Variants in EXD1 observed in about 807,000 individuals in gnomAD.
EXD1 encodes the protein piRNA biogenesis protein EXD1.
EXD1 carries 63 observed loss-of-function variants against 49.1 expected under a neutral mutation model. That is an observed-to-expected ratio of 1.28 (90% CI 1.05 to 1.58). The LOEUF is 1.58. Ranked by LOEUF, EXD1 falls within the 40% of genes most tolerant of loss-of-function variation. EXD1 has a pLI of 0.00. For synonymous variants in EXD1, 234 were observed against 239.2 expected (o/e 0.98, Z 0.20); for missense variants, 748 against 666.0 (o/e 1.12, Z -1.36).
rs372591403 is a variant in EXD1 at position 41,191,545 on chromosome 15, T to C, written c.761A>G (p.Tyr254Cys). Residue 254 changes from tyrosine to cysteine, a missense_variant, in exon 10 of 12, where the codon TAT becomes TGT. Tyr to Cys is a radical substitution (Grantham distance 194). Transcript: ENST00000458580. ...VLQFSMETGG[Y>C]LPNCITTLQE... is the part of the protein sequence containing the mutation. ...CAAAGTAGTGATGCAGTTTGGAAGATAGCCACCCGTTTCCATGGAAAACTG... is the reference window on the plus strand; with the variant it reads ...CAAAGTAGTGATGCAGTTTGGAAGACAGCCACCCGTTTCCATGGAAAACTG... 28 of 1,613,974 alleles carry C rather than the reference T, an allele frequency of 1.7e-5. No individual in the cohort carries two copies. The Middle Eastern group carries it at 4.9e-4, about 28-fold the overall frequency.
At chr15:41,194,247 G>A (rs183103583) in intron 9 of EXD1, among the ~76,000 whole-genome samples, 48 of 152,142 alleles carry the variant, frequency 3.2e-4, no homozygotes, top group Admixed American at 2.9e-3. Flanking sequence ...TCCTGAACTC[G>A]TGATCTGCCC....
At chr15:41,229,600 C>T (rs917970617) in intron 1 of EXD1, among the ~76,000 whole-genome samples, 1 of 152,138 alleles carries the variant, frequency 6.6e-6, no homozygotes, top group Non-Finnish European at 1.5e-5. Flanking sequence ...GAAGCCCTGT[C>T]TCTACTAAAA....
At position 41,189,760 on chromosome 15, in the gene EXD1, C is replaced by T. The variant is rs1327943741; in HGVS notation, c.1056+177G>A. Among the ~76,000 whole-genome samples the T allele has an allele frequency of 2.6e-5, 4 of 152,134 alleles. No individual in the cohort carries two copies. In the East Asian group the frequency reaches 5.8e-4, roughly 22 times the overall value. ...ACAGAAGTATTTCTTGGATACCTAA[C>T]TTAACATTATGAAAAAGTGAGGGGA... is the stretch of plus-strand genomic sequence containing the variant. On this transcript the variant is annotated intron_variant, in intron 11 of 11. Coordinates refer to ENST00000458580, the MANE Select transcript of EXD1 (RefSeq NM_001286441.2).
intron 5 of EXD1, among the ~76,000 whole-genome samples, 171 bp from the exon 6 acceptor site, chr15:41,216,004 G>A (rs984635150): frequency 6.6e-6 from 1 of 151,552 alleles, no homozygotes; most frequent in African/African-American, 2.4e-5. Flanking sequence ...TTCCTCCTTA[G>A]CATTTGGCAC....
chr15:41,199,739 G>GAGATATA (rs777473507), intron 7 of EXD1, among the ~76,000 whole-genome samples: 1 of 79,378 alleles, frequency 1.3e-5, no homozygotes, highest in African/African-American at 5.2e-5. Flanking sequence ...TGATATATAT[G>GAGATATA]TCATATATTA....
At chr15:41,206,670 G>T in intron 7 of EXD1, among the ~76,000 whole-genome samples, 1 of 121,180 alleles carries the variant, frequency 8.3e-6, no homozygotes. Context: ...TGCCCAGGTT[G>T]GAGTGCAGTG....
chr15:41,209,538 G>T lies in EXD1; in HGVS notation c.497C>A (p.Ala166Glu). ...CAGTTTGCCATGGCGACATACATTC[G>T]CTCCTTCTGCTGCCACACTCAGGAC... The part of the protein sequence containing the change: ...QNVLSVAAEG[A>E]NVCRHGKLCW... The change falls in exon 7 of 12, where the codon GCG becomes GAG. Residue 166 changes from alanine (A) to glutamate (E), a missense_variant. By Grantham distance (107) the Ala-to-Glu change is moderately radical (BLOSUM62 -1). Transcript: ENST00000458580. 1.2e-6 allele frequency: 2 copies of T among 1,614,052 alleles called. No homozygotes were observed. The highest frequency in any genetic ancestry group is 8.5e-7 in the Non-Finnish European group (1 of 1,179,990).
At chr15:41,212,573 C>T (rs1328335096) in intron 6 of EXD1, among the ~76,000 whole-genome samples, 1 of 152,178 alleles carries the variant, frequency 6.6e-6, no homozygotes, top group African/African-American at 2.4e-5. Context: ...ACCATATGAT[C>T]TAGCAATTTC....
chr15:41,193,170 G>A (rs1426029686), intron 9 of EXD1, among the ~76,000 whole-genome samples: 1 of 151,878 alleles, frequency 6.6e-6, no homozygotes, highest in Admixed American at 6.6e-5. Context: ...CTCCTGTCTC[G>A]GCCTCCCAAA....
intron 1 of EXD1, among the ~76,000 whole-genome samples, chr15:41,228,967 G>A (rs754267194): frequency 4.6e-5 from 7 of 152,186 alleles, no homozygotes; most frequent in Non-Finnish European, 7.3e-5. Context: ...TAAGATTCAA[G>A]ATTAGGAAGG....
At chr15:41,195,331 C>T (rs1025967445) in intron 9 of EXD1, among the ~76,000 whole-genome samples, 4 of 152,156 alleles carry the variant, frequency 2.6e-5, no homozygotes, top group African/African-American at 9.7e-5. Context: ...TTTGGGCCCA[C>T]ATAGATTTGG....
At position 41,191,624 on chromosome 15, in the gene EXD1, T is replaced by C. The variant is rs149328050; in HGVS notation, c.721-39A>G. ...AAAAGACAAACAGACCAGTTGAATA[T>C]ATACAGAGAGCTATCTCATGCCAGA... is the stretch of plus-strand genomic sequence containing the variant. On this transcript the variant is annotated intron_variant, in intron 9 of 11. Coordinates refer to ENST00000458580, the MANE Select transcript of EXD1 (RefSeq NM_001286441.2). 1.0e-4 allele frequency: 162 copies of C among 1,587,908 alleles called. 3 individuals carry two copies. The African/African-American group carries it at 1.9e-3, about 18-fold the overall frequency.
intron 6 of EXD1, among the ~76,000 whole-genome samples, chr15:41,212,553 A>T (rs996774861): frequency 1.3e-5 from 2 of 152,214 alleles, no homozygotes; most frequent in African/African-American, 4.8e-5. Flanking sequence ...AAAAAGTTAA[A>T]CACAGAGTTA....
At chr15:41,221,472 C>T (rs2047087552) in intron 2 of EXD1, among the ~76,000 whole-genome samples, 2 of 151,690 alleles carry the variant, frequency 1.3e-5, no homozygotes, top group African/African-American at 4.8e-5. Flanking sequence ...CTGGGTCTCA[C>T]TATGTTGCCC....
At chr15:41,188,318 C>A (rs1156907443) in intron 11 of EXD1, among the ~76,000 whole-genome samples, 1 of 151,148 alleles carries the variant, frequency 6.6e-6, no homozygotes, top group Admixed American at 6.6e-5. Flanking sequence ...TCTTTTTCCT[C>A]CCTCTCCCTC....
intron 3 of EXD1, among the ~76,000 whole-genome samples, chr15:41,217,752 T>C (rs1037346838): frequency 6.6e-6 from 1 of 152,054 alleles, no homozygotes; most frequent in African/African-American, 2.4e-5. Context: ...GCCAGGCTGG[T>C]CTCAATCTCT....
chr15:41,204,775 T>C (rs2046796905), intron 7 of EXD1, among the ~76,000 whole-genome samples: 1 of 152,002 alleles, frequency 6.6e-6, no homozygotes, highest in South Asian at 2.1e-4. Flanking sequence ...TATATACACA[T>C]ATACACATAC....
chr15:41,209,571 T>C lies in EXD1; in HGVS notation c.464A>G (p.Lys155Arg). 6.2e-7 allele frequency: 1 copy of C among 1,614,184 alleles called. No homozygotes were observed. The highest frequency in any genetic ancestry group is 1.1e-5 in the South Asian group (1 of 91,076). ...TGCTGCCACACTCAGGACATTCTGC[T>C]TCTTGATATGGAGTATCTGGTAAGA... ...KFGAAILHIK[K>R]QNVLSVAAEG... is the part of the protein sequence containing the mutation. The change falls in exon 7 of 12, where the codon AAG (lysine) becomes AGG (arginine). Residue 155 changes from lysine to arginine, a missense_variant. Physicochemically the swap from Lys to Arg is conservative, Grantham distance 26. Transcript: ENST00000458580.
chr15:41,209,389 G>T, intron 7 of EXD1, 112 bp downstream of exon 7: 1 of 877,832 alleles, frequency 1.1e-6, no homozygotes, highest in South Asian at 1.7e-5. Context: ...TGGCCTCAGT[G>T]ACAGAGTGAG....
Sources: gnomAD v4.1 joint callset for allele counts (sites outside exome capture counted in the v4.1 genomes callset) on GRCh38, gnomAD v4.1.1 for gene constraint, MANE v1.5 for transcripts, NCBI Gene and HGNC (gene_info 2026-07-23, HGNC 2026-07-21) for gene names.